Variants in SCARB1 observed in about 807,000 individuals in gnomAD.
SCARB1 encodes scavenger receptor class B member 1.
Under a neutral mutation model 57.2 loss-of-function variants are expected in SCARB1, and 30 were observed. That is an observed-to-expected ratio of 0.52 (90% CI 0.39 to 0.71). The LOEUF (loss-of-function observed/expected upper bound fraction) is 0.71, where lower values mean the gene tolerates loss of function less well. Ranked by LOEUF, SCARB1 falls within the 30% of genes least tolerant of loss-of-function variation. SCARB1 has a pLI of 0.00. For synonymous variants in SCARB1, 249 were observed against 268.3 expected, an observed-to-expected ratio of 0.93 and a Z score of 0.70; for missense variants, 543 against 671.2, an observed-to-expected ratio of 0.81 and a Z score of 2.11.
intron 2 of SCARB1, among the ~76,000 whole-genome samples, 189 bp from the exon 3 acceptor site, chr12:124,815,303 A>G (rs1950668869): frequency 6.6e-6 from 1 of 152,132 alleles, no homozygotes; most frequent in African/African-American, 2.4e-5. Context: ...ACTGCAGGAC[A>G]TGGTGTCGCC....
chr12:124,860,375 A>G (rs548158403), intron 1 of SCARB1, among the ~76,000 whole-genome samples: 37 of 152,370 alleles, frequency 2.4e-4, no homozygotes, highest in African/African-American at 7.7e-4. Context: ...CCAGCTCATC[A>G]TTGAAGACAG....
chr12:124,781,717 T>C (rs1468122420), intron 12 of SCARB1, among the ~76,000 whole-genome samples: 1 of 152,170 alleles, frequency 6.6e-6, no homozygotes, highest in African/African-American at 2.4e-5. Context: ...TAAAAATTAC[T>C]TATTGCTTAC....
chr12:124,839,083 C>T (rs1951807649), intron 1 of SCARB1, among the ~76,000 whole-genome samples: 2 of 152,106 alleles, frequency 1.3e-5, no homozygotes, highest in Admixed American at 1.3e-4. Context: ...CCCAACTTAG[C>T]CATTTTTAAG....
At chr12:124,791,898 G>A (rs1949746479) in intron 9 of SCARB1, among the ~76,000 whole-genome samples, 1 of 151,740 alleles carries the variant, frequency 6.6e-6, no homozygotes, top group Non-Finnish European at 1.5e-5. Context: ...AGGTTGCAGT[G>A]AGCCGAAATC....
At chr12:124,837,472 AAAGGAAGGAAGG>A (rs199725164) in intron 1 of SCARB1, among the ~76,000 whole-genome samples, 4 of 72,496 alleles carry the variant, frequency 5.5e-5, no homozygotes, top group East Asian at 3.2e-4. Flanking sequence ...AGAAAGAAAG[AAAGGAAGGAAGG>A]AAGGAAGGAA....
chr12:124,802,473 C>T (rs1039092555), intron 7 of SCARB1, among the ~76,000 whole-genome samples: 4 of 152,040 alleles, frequency 2.6e-5, no homozygotes, highest in Non-Finnish European at 5.9e-5. Context: ...CGCTGCCTCT[C>T]GTGCCTCCTC....
At chr12:124,791,248 C>A (rs1949718949) in intron 9 of SCARB1, among the ~76,000 whole-genome samples, 1 of 152,174 alleles carries the variant, frequency 6.6e-6, no homozygotes, top group South Asian at 2.1e-4. Flanking sequence ...GCTTTGAATC[C>A]TTTTACCGTA....
At position 124,796,549 on chromosome 12, in the gene SCARB1, G is replaced by A. The variant is rs1464483279; in HGVS notation, c.1129-1281C>T. ...ACTGCAGTTGGTTCTTCTTAACTGA[G>A]AGTCGCGTCCTCATCTGTAAAACAG... On this transcript the variant is annotated intron_variant, in intron 8 of 12. Coordinates refer to ENST00000261693, the MANE Select transcript of SCARB1 (RefSeq NM_005505.5). The surrounding 1 kb of genome is among the most constrained non-coding windows in gnomAD (Gnocchi z 4.0). Among the ~76,000 whole-genome samples the A allele has an allele frequency of 6.6e-6, 1 of 152,202 alleles. No homozygotes were observed. Among genetic ancestry groups the A allele is most frequent in the Non-Finnish European group, 1.5e-5 (1 of 68,044 alleles).
At chr12:124,779,780 G>T (rs75784896) in intron 12 of SCARB1, among the ~76,000 whole-genome samples, 2 of 152,012 alleles carry the variant, frequency 1.3e-5, no homozygotes, top group South Asian at 2.1e-4. Context: ...GCCCACCTCC[G>T]CCCACCTGTG....
At chr12:124,829,777 G>T (rs575956234) in intron 1 of SCARB1, among the ~76,000 whole-genome samples, 1 of 152,274 alleles carries the variant, frequency 6.6e-6, no homozygotes, top group Admixed American at 6.5e-5. Context: ...CCACTGTATG[G>T]CAGGCTCTGC....
intron 1 of SCARB1, among the ~76,000 whole-genome samples, chr12:124,854,437 A>G (rs1217765496): frequency 6.6e-6 from 1 of 152,184 alleles, no homozygotes; most frequent in South Asian, 2.1e-4. Flanking sequence ...TGGCCATGTC[A>G]GGGCTTTGAG....
At chr12:124,842,487 A>G (rs1303785960) in intron 1 of SCARB1, among the ~76,000 whole-genome samples, 3 of 152,220 alleles carry the variant, frequency 2.0e-5, no homozygotes, top group Admixed American at 1.3e-4. Flanking sequence ...TGGCCCCAGC[A>G]TCCCAGTCCC....
At chr12:124,815,283 C>G (rs1468687483) in intron 2 of SCARB1, among the ~76,000 whole-genome samples, 169 bp from the exon 3 acceptor site, 2 of 152,214 alleles carry the variant, frequency 1.3e-5, no homozygotes, top group African/African-American at 4.8e-5. Context: ...GTCCCTCCCG[C>G]CGCCTGCCCA....
chr12:124,782,206 C>A (rs1206240738), intron 12 of SCARB1, among the ~76,000 whole-genome samples: 2 of 152,138 alleles, frequency 1.3e-5, no homozygotes, highest in Admixed American at 1.3e-4. Flanking sequence ...CCGCACCTGG[C>A]CAGTCATCCC....
intron 1 of SCARB1, among the ~76,000 whole-genome samples, chr12:124,841,051 C>A (rs1951886729): frequency 6.6e-6 from 1 of 152,130 alleles, no homozygotes; most frequent in South Asian, 2.1e-4. Context: ...CACGTGTAAT[C>A]CCAGCTACTC....
chr12:124,784,756 CA>C, intron 11 of SCARB1: 1 of 152,524 alleles, frequency 6.6e-6, no homozygotes, highest in Non-Finnish European at 1.5e-5. Context: ...TCCATGCATC[CA>C]AAAACAGCCT....
At chr12:124,832,069 T>G (rs953692877) in intron 1 of SCARB1, among the ~76,000 whole-genome samples, 11 of 152,192 alleles carry the variant, frequency 7.2e-5, no homozygotes, top group African/African-American at 2.2e-4. Flanking sequence ...GAAGGAAACG[T>G]GAATCCTGTC....
chr12:124,789,627 CG>C lies in SCARB1; in HGVS notation c.1203-2171del, dbSNP rs62808460. ...TCACAAAAGTCCTTAAAGAGAGAAG[CG>C]GGAAGTCCTAGCCAGAGCAATCAGG... On this transcript the variant is annotated intron_variant, in intron 9 of 12. Coordinates refer to ENST00000261693, the MANE Select transcript of SCARB1 (RefSeq NM_005505.5). The surrounding 1 kb of genome is among the most constrained non-coding windows in gnomAD (Gnocchi z 4.4). 0.012 allele frequency among the ~76,000 whole-genome samples: 1,816 copies of C among 151,902 alleles called. 34 individuals carry two copies. Among genetic ancestry groups the C allele is most frequent in the African/African-American group, 0.041 (1,693 of 41,420 alleles).
chr12:124,838,491 G>A (rs1000299400), intron 1 of SCARB1, among the ~76,000 whole-genome samples: 4 of 152,128 alleles, frequency 2.6e-5, no homozygotes, highest in African/African-American at 9.7e-5. Flanking sequence ...TCAAGAACAC[G>A]TCATGAAGCC....
Sources: gnomAD v4.1 joint callset for allele counts (sites outside exome capture counted in the v4.1 genomes callset) on GRCh38, gnomAD v4.1.1 for gene constraint, Gnocchi (gnomAD v3.1) non-coding constraint, MANE v1.5 for transcripts, NCBI Gene and HGNC (gene_info 2026-07-23, HGNC 2026-07-21) for gene names.